The following PTPRM variants were observed in gnomAD, a reference collection of about 807,000 sequenced individuals.
PTPRM encodes protein tyrosine phosphatase receptor type M.
A neutral mutation model predicts 186.7 loss-of-function variants in PTPRM; 47 were observed. The ratio of observed to expected loss-of-function variants is 0.25; its 90% CI spans 0.20 to 0.32. PTPRM has a LOEUF of 0.32. Among genes scored for constraint, PTPRM ranks in the 10% least tolerant of loss-of-function variants. The pLI is 1.00. For synonymous variants in PTPRM, 668 were observed against 674.9 expected (o/e 0.99, Z 0.16); for missense variants, 1,494 against 1,865.0 (o/e 0.80, Z 3.66).
rs2095696423 is a variant in PTPRM at position 8,376,551 on chromosome 18, G to A, written c.3416G>A (p.Cys1139Tyr). ...EREGVVDIYN[C>Y]VRELRSRRVN... ...GAAGGGGTCGTAGACATCTACAACT[G>A]CGTCAGGGAGCTGCGGTCACGGAGG... Residue 1139 changes from cysteine to tyrosine, a missense_variant, in exon 26 of 33, where the codon TGC becomes TAC. Cys to Tyr is a radical substitution (Grantham distance 194). This residue lies in a region of PTPRM where 1,107 missense variants were observed against 1,350.2 expected (regional missense o/e 0.82). Transcript: ENST00000580170. 6.2e-7 allele frequency: 1 copy of A among 1,613,818 alleles called. No individual in the cohort carries two copies. Among genetic ancestry groups the A allele is most frequent in the African/African-American group, 1.3e-5 (1 of 74,858 alleles).
At chr18:7,837,791 T>C (rs2046125826) in intron 2 of PTPRM, among the ~76,000 whole-genome samples, 1 of 152,180 alleles carries the variant, frequency 6.6e-6, no homozygotes, top group African/African-American at 2.4e-5. Flanking sequence ...TCAGAATTGG[T>C]CCCTGGTGAC....
At chr18:7,960,480 T>TATATACACACAC (rs1300573371) in intron 7 of PTPRM, among the ~76,000 whole-genome samples, 4 of 86,602 alleles carry the variant, frequency 4.6e-5, no homozygotes, top group African/African-American at 1.7e-4. Context: ...TATATATATA[T>TATATACACACAC]ACACACACAC....
chr18:8,120,783 C>T (rs1037621762), intron 13 of PTPRM, among the ~76,000 whole-genome samples: 3 of 152,116 alleles, frequency 2.0e-5, no homozygotes, highest in Admixed American at 1.3e-4. Flanking sequence ...GTGTGAACCA[C>T]GGCACCTGGC....
intron 19 of PTPRM, among the ~76,000 whole-genome samples, chr18:8,255,816 T>A (rs2094569430): frequency 6.6e-6 from 1 of 152,124 alleles, no homozygotes. Context: ...GTGGGGTAGA[T>A]GACAGGGAAG....
intron 14 of PTPRM, among the ~76,000 whole-genome samples, chr18:8,221,459 A>C (rs1202647091): frequency 1.3e-5 from 2 of 152,258 alleles, no homozygotes; most frequent in Admixed American, 6.5e-5. Context: ...TAATTGAGCA[A>C]GGAAAAATGA....
At chr18:8,320,198 AG>A in intron 22 of PTPRM, among the ~76,000 whole-genome samples, 1 of 152,322 alleles carries the variant, frequency 6.6e-6, no homozygotes, top group South Asian at 2.1e-4. Context: ...GCCAAAGGTT[AG>A]GCATGGGGGC....
At chr18:7,907,028 G>C (rs564710382) in intron 4 of PTPRM, among the ~76,000 whole-genome samples, 1 of 152,108 alleles carries the variant, frequency 6.6e-6, no homozygotes, top group East Asian at 1.9e-4. Context: ...TCAAATAAAA[G>C]ACACCTACCT....
At chr18:7,763,012 G>A (rs1344689380) in intron 1 of PTPRM, among the ~76,000 whole-genome samples, 1 of 152,080 alleles carries the variant, frequency 6.6e-6, no homozygotes, top group African/African-American at 2.4e-5. Context: ...ATTCTATAGG[G>A]CCCACATTCT....
intron 2 of PTPRM, among the ~76,000 whole-genome samples, chr18:7,797,876 G>A (rs1360844015): frequency 1.3e-5 from 2 of 152,174 alleles, no homozygotes; most frequent in Non-Finnish European, 1.5e-5. Flanking sequence ...CAGCACTGGT[G>A]GACATTCCTT....
intron 1 of PTPRM, among the ~76,000 whole-genome samples, chr18:7,760,426 A>G (rs1195782437): frequency 6.6e-6 from 1 of 152,168 alleles, no homozygotes; most frequent in Non-Finnish European, 1.5e-5. Flanking sequence ...CAGTACACCA[A>G]CTTTTAAGTA....
intron 2 of PTPRM, among the ~76,000 whole-genome samples, chr18:7,831,894 C>T (rs921065504): frequency 2.6e-5 from 4 of 152,110 alleles, no homozygotes; most frequent in Admixed American, 1.3e-4. Flanking sequence ...CTTTCTGTGC[C>T]TGACTTATTT....
intron 2 of PTPRM, among the ~76,000 whole-genome samples, chr18:7,816,822 A>T (rs547471212): frequency 6.6e-5 from 10 of 152,224 alleles, no homozygotes; most frequent in Non-Finnish European, 1.3e-4. Context: ...GGATTGAGTC[A>T]TCATTACAAT....
rs377078823 is a variant in PTPRM, at chr18:7,939,919, G to T, written c.664-9262G>T. Among the ~76,000 whole-genome samples the T allele has an allele frequency of 2.5e-4, 38 of 152,280 alleles. 1 individual carries two copies. Among genetic ancestry groups the T allele is most frequent in the African/African-American group, 8.7e-4 (36 of 41,540 alleles). On this transcript the variant is annotated intron_variant, in intron 5 of 32. Coordinates refer to ENST00000580170, the MANE Select transcript of PTPRM (RefSeq NM_001105244.2). ...GCAAAATGTGGCTGACAATTTTGCT[G>T]TGTCCACCTGATGTATATTTTCACA...
intron 14 of PTPRM, among the ~76,000 whole-genome samples, chr18:8,215,519 CT>C (rs1249644140): frequency 1.4e-5 from 2 of 144,754 alleles, no homozygotes; most frequent in African/African-American, 2.6e-5. Flanking sequence ...CTACCTAGTG[CT>C]TTTTTTTCTT....
intron 7 of PTPRM, among the ~76,000 whole-genome samples, chr18:8,026,267 G>A (rs566883490): frequency 6.6e-6 from 1 of 152,294 alleles, no homozygotes; most frequent in Admixed American, 6.5e-5. Context: ...TAGAGAAGTG[G>A]AAGCAGGTGG....
At chr18:8,305,754 C>G (rs1013529786) in intron 20 of PTPRM, among the ~76,000 whole-genome samples, 1 of 152,196 alleles carries the variant, frequency 6.6e-6, no homozygotes, top group Non-Finnish European at 1.5e-5. Flanking sequence ...ATCTCCACCT[C>G]CTCTTCCCTG....
intron 1 of PTPRM, among the ~76,000 whole-genome samples, chr18:7,764,315 T>C (rs1205145234): frequency 6.6e-6 from 1 of 152,226 alleles, no homozygotes; most frequent in Non-Finnish European, 1.5e-5. Context: ...AGTATATGCA[T>C]GCTTGTAATA....
At chr18:8,109,912 C>T (rs1454192484) in intron 11 of PTPRM, among the ~76,000 whole-genome samples, 2 of 152,294 alleles carry the variant, frequency 1.3e-5, no homozygotes, top group East Asian at 1.9e-4. Flanking sequence ...CCAGGATAAA[C>T]TAAAACATAA....
chr18:7,573,620 G>A (rs751182142), intron 1 of PTPRM, among the ~76,000 whole-genome samples: 13 of 151,876 alleles, frequency 8.6e-5, no homozygotes, highest in Non-Finnish European at 1.9e-4. Context: ...ACAAAGTCTC[G>A]CTCTTGTCCC....
Sources: gnomAD v4.1 joint callset for allele counts (sites outside exome capture counted in the v4.1 genomes callset) on GRCh38, gnomAD v4.1.1 for gene constraint, gnomAD v4.1.1 regional missense constraint, MANE v1.5 for transcripts, NCBI Gene and HGNC (gene_info 2026-07-23, HGNC 2026-07-21) for gene names.